ROBO2: variants seen among roughly 807,000 people sequenced by gnomAD.
ROBO2 encodes the protein roundabout guidance receptor 2.
ROBO2 carries 53 observed loss-of-function variants against 160.8 expected under a neutral mutation model. The observed-to-expected ratio is 0.33, with a 90% CI of 0.26 to 0.41. The LOEUF (loss-of-function observed/expected upper bound fraction) is 0.41, where lower values mean the gene tolerates loss of function less well. Ranked by LOEUF, ROBO2 falls within the 10% of genes least tolerant of loss-of-function variation. The pLI, the probability that ROBO2 is intolerant of heterozygous loss-of-function variation, is 1.00. For missense variants in ROBO2, 1,577 were observed against 1,722.4 expected, an observed-to-expected ratio of 0.92 and a Z score of 1.49; for synonymous variants, 664 against 611.7, an observed-to-expected ratio of 1.09 and a Z score of -1.26.
chr3:76,024,613 A>G (rs1404273042), intron 2 of ROBO2, among the ~76,000 whole-genome samples: 1 of 151,668 alleles, frequency 6.6e-6, no homozygotes, highest in African/African-American at 2.4e-5. Flanking sequence ...TATAAAAAAC[A>G]CAACAAATAA....
intron 2 of ROBO2, among the ~76,000 whole-genome samples, chr3:76,076,276 A>G (rs181749262): frequency 1.7e-4 from 26 of 152,310 alleles, no homozygotes; most frequent in East Asian, 1.4e-3. Context: ...CTGAATTGCT[A>G]TCTCTAAATA....
At chr3:76,909,627 A>G (rs1280515512) in intron 2 of ROBO2, among the ~76,000 whole-genome samples, 1 of 152,190 alleles carries the variant, frequency 6.6e-6, no homozygotes, top group East Asian at 1.9e-4. Context: ...GTCTGAAACT[A>G]TTCAGTAATT....
chr3:77,162,005 CA>C (rs1245124885), intron 2 of ROBO2, among the ~76,000 whole-genome samples: 1 of 152,068 alleles, frequency 6.6e-6, no homozygotes, highest in Non-Finnish European at 1.5e-5. Context: ...GTTAAAAAGT[CA>C]TCTTTTTCTA....
intron 2 of ROBO2, among the ~76,000 whole-genome samples, chr3:76,830,966 G>T (rs1016749508): frequency 6.6e-6 from 1 of 152,086 alleles, no homozygotes; most frequent in African/African-American, 2.4e-5. Flanking sequence ...TCCAGCCTGG[G>T]TGCACAGTGA....
At chr3:77,598,487 G>GTATATATA (rs369073693) in intron 19 of ROBO2, among the ~76,000 whole-genome samples, 1,665 of 136,896 alleles carry the variant, frequency 0.012, 34 homozygotes, top group African/African-American at 0.032. Context: ...TATATAGTGT[G>GTATATATA]TATATATATA....
At chr3:76,326,174 T>C (rs531308509) in intron 2 of ROBO2, among the ~76,000 whole-genome samples, 20 of 152,320 alleles carry the variant, frequency 1.3e-4, no homozygotes, top group African/African-American at 4.8e-4. Context: ...TGGCAGAGGT[T>C]AGACACTAAG....
chr3:77,012,925 G>A (rs1428228255), intron 2 of ROBO2, among the ~76,000 whole-genome samples: 2 of 152,064 alleles, frequency 1.3e-5, no homozygotes, highest in Non-Finnish European at 1.5e-5. Flanking sequence ...TCCCAGATGT[G>A]TTACCAATTA....
chr3:76,685,542 G>A (rs986957768), intron 2 of ROBO2, among the ~76,000 whole-genome samples: 7 of 151,826 alleles, frequency 4.6e-5, no homozygotes, highest in African/African-American at 1.7e-4. Flanking sequence ...GTTGACTTCC[G>A]ATCACTTAAC....
intron 2 of ROBO2, among the ~76,000 whole-genome samples, chr3:76,094,350 T>A (rs1160729021): frequency 6.6e-6 from 1 of 152,196 alleles, no homozygotes. Flanking sequence ...CACTAATTTT[T>A]CTCCAGCAAA....
At chr3:76,235,684 T>A (rs1021756231) in intron 2 of ROBO2, among the ~76,000 whole-genome samples, 4 of 152,200 alleles carry the variant, frequency 2.6e-5, no homozygotes, top group African/African-American at 9.7e-5. Flanking sequence ...ACTGTACGTG[T>A]TCATAACTTG....
chr3:76,655,424 GTATGGATTTTTTTCCATATATATATATA>G (rs1453068943), intron 2 of ROBO2, among the ~76,000 whole-genome samples: 336 of 30,534 alleles, frequency 0.011, 7 homozygotes, highest in African/African-American at 0.031. Flanking sequence ...GTGTTTCTGT[GTATGGATTTTTTTCCATATATATATATA>G]TATGGATTTT....
intron 2 of ROBO2, among the ~76,000 whole-genome samples, chr3:76,152,110 C>A (rs1559596144): frequency 6.6e-6 from 1 of 152,092 alleles, no homozygotes; most frequent in Admixed American, 6.6e-5. Flanking sequence ...TTGGTAAAGG[C>A]CATGTGCGGT....
chr3:77,278,482 C>G (rs72895157), intron 2 of ROBO2, among the ~76,000 whole-genome samples: 8,613 of 152,048 alleles, frequency 0.057, 675 homozygotes, highest in African/African-American at 0.17. Flanking sequence ...CTAATTTATG[C>G]AAGATGATGA....
intron 1 of ROBO2, among the ~76,000 whole-genome samples, chr3:77,092,754 A>G (rs1016904497): frequency 6.7e-5 from 10 of 150,090 alleles, no homozygotes; most frequent in Admixed American, 1.3e-4. Flanking sequence ...TTAGAATTGT[A>G]GATAGTTATT....
rs374696273 is a variant in ROBO2 at position 76,077,171 on chromosome 3, A to G, written c.109+139569A>G. On this transcript the variant is annotated intron_variant, in intron 2 of 26. Coordinates refer to the ROBO2 transcript ENST00000487694. ...AATTGAGTCCATGAATGGAGTGATTATATTTTAAACATTTCCCATAATGTG... is the reference window on the plus strand; with the variant it reads ...AATTGAGTCCATGAATGGAGTGATTGTATTTTAAACATTTCCCATAATGTG... Among the ~76,000 whole-genome samples the G allele has an allele frequency of 1.6e-4, 24 of 152,370 alleles. No individual in the cohort carries two copies. In the East Asian group the frequency reaches 4.2e-3, roughly 27 times the overall value.
chr3:77,558,588 C>T (rs746514806), intron 9 of ROBO2, among the ~76,000 whole-genome samples: 3 of 151,958 alleles, frequency 2.0e-5, no homozygotes, highest in Non-Finnish European at 2.9e-5. Flanking sequence ...AGTACATAAA[C>T]GGCGAGTTTG....
intron 5 of ROBO2, among the ~76,000 whole-genome samples, chr3:77,509,260 C>A (rs181692171): frequency 6.6e-6 from 1 of 151,960 alleles, no homozygotes; most frequent in Non-Finnish European, 1.5e-5. Context: ...GGTAGAAAGG[C>A]CTTTTGTATT....
chr3:76,224,398 C>T lies in ROBO2; in HGVS notation c.109+286796C>T, dbSNP rs560453017. Among the ~76,000 whole-genome samples, 3 of 152,216 alleles carry T rather than the reference C, an allele frequency of 2.0e-5. No homozygotes were observed. In the South Asian group the frequency reaches 6.2e-4, roughly 32 times the overall value. On this transcript the variant is annotated intron_variant, in intron 2 of 26. Transcript: ENST00000487694. Reference sequence around the variant, plus strand: ...TGTCTAAGTCTCCAAGAACTGGTAACTTCAAGGGTAGGAGGAGATAGCTGT... The same window carrying T: ...TGTCTAAGTCTCCAAGAACTGGTAATTTCAAGGGTAGGAGGAGATAGCTGT...
chr3:77,085,202 T>C (rs7621112), intron 1 of ROBO2, among the ~76,000 whole-genome samples: 15,589 of 152,136 alleles, frequency 0.1, 1,427 homozygotes, highest in African/African-American at 0.24. Flanking sequence ...ATCAAAACTG[T>C]TATGATTGGC....
Sources: gnomAD v4.1 joint callset for allele counts (sites outside exome capture counted in the v4.1 genomes callset) on GRCh38, gnomAD v4.1.1 for gene constraint, MANE v1.5 for transcripts, NCBI Gene and HGNC (gene_info 2026-07-23, HGNC 2026-07-21) for gene names.